The following PTOV1 variants were observed in gnomAD, a reference collection of about 807,000 sequenced individuals.
The protein encoded by PTOV1 is PTOV1 extended AT-hook containing adaptor protein, also known as prostate tumor-overexpressed gene 1 protein.
PTOV1 carries 20 observed loss-of-function variants against 58.0 expected under a neutral mutation model. The observed-to-expected ratio is 0.34, with a 90% CI of 0.24 to 0.50. The LOEUF is 0.50. Among genes scored for constraint, PTOV1 ranks in the 20% least tolerant of loss-of-function variants. PTOV1 has a pLI of 0.98. For synonymous variants in PTOV1, 335 were observed against 234.2 expected (o/e 1.43, Z -3.93); for missense variants, 593 against 565.4 (o/e 1.05, Z -0.50).
chr19:49,859,716 T>C (rs1397709788), intron 10 of PTOV1, among the ~76,000 whole-genome samples: 1 of 152,036 alleles, frequency 6.6e-6, no homozygotes, highest in Non-Finnish European at 1.5e-5. Context: ...TGTGGTGAGG[T>C]GGCCCCAGAC....
chr19:49,857,589 GC>G (rs1166531722), intron 6 of PTOV1, 103 bp from the exon 7 acceptor site: 2 of 1,081,932 alleles, frequency 1.8e-6, no homozygotes, highest in Non-Finnish European at 2.8e-6. Flanking sequence ...CCCAGCTGGG[GC>G]TAACAGGCCA....
intron 6 of PTOV1, 121 bp from the exon 7 acceptor site, chr19:49,857,572 G>C (rs935779991): frequency 1.5e-5 from 14 of 911,690 alleles, no homozygotes; most frequent in Non-Finnish European, 2.2e-5. Flanking sequence ...TGGGACTAGA[G>C]AATGGACCCA....
intron 1 of PTOV1, 82 bp from the exon 2 acceptor site, chr19:49,854,324 G>T (rs919450622): frequency 2.0e-6 from 3 of 1,514,086 alleles, no homozygotes; most frequent in Non-Finnish European, 2.7e-6. Context: ...ATATTGGGAC[G>T]TCCCCTCTGG....
intron 10 of PTOV1, 188 bp from the exon 11 acceptor site, chr19:49,859,798 G>C: frequency 1.6e-6 from 1 of 631,762 alleles, no homozygotes; most frequent in South Asian, 1.9e-5. Context: ...GTTGGCCTTT[G>C]GCCCACCCAT....
exon 9 of PTOV1, chr19:49,858,088 A>G (rs1205412489): frequency 2.5e-6 from 4 of 1,613,898 alleles, no homozygotes; most frequent in South Asian, 1.1e-5. Context: ...GAAGCTGTAC[A>G]TGCAGCTCAT....
intron 1 of PTOV1, chr19:49,851,938 G>T: frequency 1.2e-6 from 1 of 833,432 alleles, no homozygotes; most frequent in South Asian, 6.1e-5. Flanking sequence ...GCACCCGTGG[G>T]CGTTCTCCCC....
intron 6 of PTOV1, 185 bp downstream of exon 6, chr19:49,857,315 G>A: frequency 1.2e-6 from 1 of 801,154 alleles, no homozygotes; most frequent in Non-Finnish European, 2.0e-6. Flanking sequence ...CCACTGGGCG[G>A]CTCTGCAGGG....
chr19:49,853,932 T>C (rs10423897), intron 1 of PTOV1, among the ~76,000 whole-genome samples: 59,524 of 152,084 alleles, frequency 0.39, 12,228 homozygotes, highest in African/African-American at 0.5. Context: ...GACAGGGAGC[T>C]TTAGGAGAGT....
chr19:49,854,680 C>G (rs1486197564), exon 3 of PTOV1: 2 of 1,613,404 alleles, frequency 1.2e-6, no homozygotes, highest in Non-Finnish European at 1.7e-6. Flanking sequence ...GACTCCACTG[C>G]AAAGCTGAAG....
chr19:49,854,103 G>A (rs1369644842), intron 1 of PTOV1, among the ~76,000 whole-genome samples: 1 of 152,246 alleles, frequency 6.6e-6, no homozygotes, highest in Non-Finnish European at 1.5e-5. Context: ...TCGATCAGGC[G>A]CACAGCTGGG....
intron 5 of PTOV1, 106 bp downstream of exon 5, chr19:49,855,183 G>A (rs979806526): frequency 1.8e-5 from 21 of 1,140,640 alleles, no homozygotes; most frequent in East Asian, 2.6e-5. Flanking sequence ...CCCTGGGGCC[G>A]AGGGTAGCCC....
intron 9 of PTOV1, 158 bp from the exon 10 acceptor site, chr19:49,858,391 C>T (rs1213381422): frequency 8.5e-6 from 6 of 704,546 alleles, no homozygotes; most frequent in Non-Finnish European, 1.4e-5. Context: ...CACAGCACTC[C>T]AGGGTTGGGC....
At chr19:49,851,778 G>T (rs2074260939) in intron 1 of PTOV1, 2 of 1,055,806 alleles carry the variant, frequency 1.9e-6, no homozygotes, top group East Asian at 1.4e-4. Flanking sequence ...AACGCGGGCT[G>T]GGGGCGGCAG....
chr19:49,858,311 G>A, intron 9 of PTOV1, 197 bp downstream of exon 9: 1 of 775,444 alleles, frequency 1.3e-6, no homozygotes, highest in Non-Finnish European at 2.0e-6. Flanking sequence ...TGGCTGTGCA[G>A]GGACTGAGCG....
chr19:49,858,169 C>A, intron 9 of PTOV1, 55 bp downstream of exon 9: 1 of 1,586,622 alleles, frequency 6.3e-7, no homozygotes, highest in Non-Finnish European at 8.6e-7. Flanking sequence ...TTCCAGAGGG[C>A]GGGGCTGGGG....
upstream of PTOV1, chr19:49,850,772 G>A (rs1261351163): frequency 8.8e-6 from 12 of 1,362,012 alleles, no homozygotes; most frequent in African/African-American, 7.3e-5. Context: ...TACCCTCAGT[G>A]GGTTCCCTTT....
intron 10 of PTOV1, among the ~76,000 whole-genome samples, chr19:49,859,560 G>A (rs1386783535): frequency 2.7e-5 from 4 of 149,444 alleles, no homozygotes; most frequent in Non-Finnish European, 3.0e-5. Flanking sequence ...CGACAAGAGC[G>A]AAACTCAGTC....
intron 1 of PTOV1, chr19:49,852,109 A>G: frequency 2.0e-6 from 2 of 979,362 alleles, no homozygotes; most frequent in Non-Finnish European, 2.4e-6. Context: ...CAAAAGATGC[A>G]CATGCTTTTC....
intron 1 of PTOV1, chr19:49,851,704 G>A (rs1430027268): frequency 6.1e-6 from 7 of 1,147,750 alleles, no homozygotes; most frequent in African/African-American, 1.6e-5. Context: ...TCGGGCCGGG[G>A]TGGGGGGTTG....
Sources: gnomAD v4.1 joint callset for allele counts (sites outside exome capture counted in the v4.1 genomes callset) on GRCh38, gnomAD v4.1.1 for gene constraint, MANE v1.5 for transcripts, NCBI Gene and HGNC (gene_info 2026-07-23, HGNC 2026-07-21) for gene names.